The following RCAN1 variants were observed in gnomAD, a reference collection of about 807,000 sequenced individuals.
RCAN1 encodes the protein calcipressin-1.
In RCAN1, 11 loss-of-function variants were observed where a neutral mutation model predicts 22.9. That is an observed-to-expected ratio of 0.48 (90% CI 0.30 to 0.79). The LOEUF (loss-of-function observed/expected upper bound fraction) is 0.79. RCAN1 is among the 30% of genes least tolerant of loss of function. The pLI, the probability that RCAN1 is intolerant of heterozygous loss-of-function variation, is 0.06. For missense variants in RCAN1, 291 were observed against 337.8 expected (o/e 0.86, Z 1.09); for synonymous variants, 136 against 142.3 (o/e 0.96, Z 0.32).
chr21:34,532,190 C>T (rs34423922), intron 1 of RCAN1, among the ~76,000 whole-genome samples: 47,229 of 151,516 alleles, frequency 0.31, 7,637 homozygotes, highest in African/African-American at 0.38. Flanking sequence ...CATCACCTGA[C>T]GGATGGTAGA....
At chr21:34,590,696 G>A (rs1167590614) in intron 1 of RCAN1, among the ~76,000 whole-genome samples, 1 of 152,222 alleles carries the variant, frequency 6.6e-6, no homozygotes, top group Non-Finnish European at 1.5e-5. Flanking sequence ...TGGGGCCAGG[G>A]ACTGAGAAAG....
intron 1 of RCAN1, among the ~76,000 whole-genome samples, chr21:34,563,973 A>C (rs894226824): frequency 4.0e-5 from 6 of 151,408 alleles, no homozygotes; most frequent in Admixed American, 1.3e-4. Context: ...CCCAAAAAAG[A>C]AAAAAAGAAC....
intron 1 of RCAN1, among the ~76,000 whole-genome samples, chr21:34,573,215 A>G (rs993753277): frequency 6.6e-6 from 1 of 152,224 alleles, no homozygotes; most frequent in Non-Finnish European, 1.5e-5. Flanking sequence ...TTCTGGGACC[A>G]AAAGTTCCCA....
intron 1 of RCAN1, among the ~76,000 whole-genome samples, chr21:34,549,791 G>A (rs982455091): frequency 2.6e-5 from 4 of 152,074 alleles, no homozygotes; most frequent in African/African-American, 9.7e-5. Flanking sequence ...CAGTTTATTC[G>A]TTTGTCCATC....
At chr21:34,560,516 T>C (rs1246653290) in intron 1 of RCAN1, among the ~76,000 whole-genome samples, 1 of 152,230 alleles carries the variant, frequency 6.6e-6, no homozygotes, top group African/African-American at 2.4e-5. Flanking sequence ...TTTAAGATTG[T>C]TGATTTTTGT....
intron 1 of RCAN1, among the ~76,000 whole-genome samples, chr21:34,555,967 G>T (rs1986549067): frequency 6.6e-6 from 1 of 151,826 alleles, no homozygotes; most frequent in Non-Finnish European, 1.5e-5. Context: ...GGAGGCTGAG[G>T]CAGGAGAATG....
At chr21:34,546,484 T>A (rs549778828) in intron 1 of RCAN1, among the ~76,000 whole-genome samples, 1 of 152,008 alleles carries the variant, frequency 6.6e-6, no homozygotes, top group Non-Finnish European at 1.5e-5. Context: ...ACCCCAACAA[T>A]GCTGTTAACA....
At chr21:34,573,915 A>G (rs1272529656) in intron 1 of RCAN1, among the ~76,000 whole-genome samples, 1 of 152,224 alleles carries the variant, frequency 6.6e-6, no homozygotes. Flanking sequence ...GTGTCATGAA[A>G]ACATATAAAG....
At chr21:34,558,193 T>C (rs1207683354) in intron 1 of RCAN1, among the ~76,000 whole-genome samples, 1 of 152,152 alleles carries the variant, frequency 6.6e-6, no homozygotes, top group Non-Finnish European at 1.5e-5. Context: ...CCTCTCGAAC[T>C]CCGAGGGAGA....
In RCAN1 at chr21:34,559,232, T is replaced by C. The variant is rs568866416; in HGVS notation, c.253-35522A>G. The C allele has an allele frequency of 4.6e-5, 7 of 152,190 alleles. No homozygotes were observed. The South Asian group carries it at 1.5e-3, about 32-fold the overall frequency. 9.4% of individuals were successfully genotyped at this position (152,190 alleles called of 1,614,324 possible). Reference sequence around the variant, plus strand: ...ATAAAACAAAACTTGCCTGACAAATTGAGTAGTGTTGGGAAGTTTAATACA... The same window carrying C: ...ATAAAACAAAACTTGCCTGACAAATCGAGTAGTGTTGGGAAGTTTAATACA... On this transcript the variant is annotated intron_variant, in intron 1 of 3. Transcript: ENST00000313806.
chr21:34,582,953 A>G (rs971981654), intron 1 of RCAN1, among the ~76,000 whole-genome samples: 1 of 151,148 alleles, frequency 6.6e-6, no homozygotes, highest in Admixed American at 6.6e-5. Flanking sequence ...TGCCATTCTA[A>G]AGAGTGTCAG....
At chr21:34,538,000 C>T (rs1985750744) in intron 1 of RCAN1, among the ~76,000 whole-genome samples, 1 of 152,186 alleles carries the variant, frequency 6.6e-6, no homozygotes, top group Non-Finnish European at 1.5e-5. Flanking sequence ...CTTGATTCTG[C>T]TCAAACATAA....
At chr21:34,602,468 C>T (rs1226671597) in intron 1 of RCAN1, among the ~76,000 whole-genome samples, 1 of 152,210 alleles carries the variant, frequency 6.6e-6, no homozygotes, top group Non-Finnish European at 1.5e-5. Context: ...ACTTTCCAAA[C>T]ACCTGCAGGT....
intron 1 of RCAN1, among the ~76,000 whole-genome samples, chr21:34,568,512 C>A (rs937437906): frequency 6.6e-6 from 1 of 152,208 alleles, no homozygotes; most frequent in Non-Finnish European, 1.5e-5. Context: ...CCCGGAGTCA[C>A]GGTGTGTTTG....
chr21:34,583,550 T>C (rs1435841894), intron 1 of RCAN1, among the ~76,000 whole-genome samples: 1 of 152,060 alleles, frequency 6.6e-6, no homozygotes, highest in African/African-American at 2.4e-5. Context: ...AAAGGGACAC[T>C]AGGCATGTGC....
chr21:34,579,092 T>A (rs1987515184), intron 1 of RCAN1, among the ~76,000 whole-genome samples: 1 of 151,914 alleles, frequency 6.6e-6, no homozygotes, highest in Admixed American at 6.6e-5. Flanking sequence ...CTTGGAAGAG[T>A]TGTTAAAAAT....
chr21:34,609,991 T>C (rs1055380078), intron 1 of RCAN1, among the ~76,000 whole-genome samples: 1 of 152,178 alleles, frequency 6.6e-6, no homozygotes, highest in Admixed American at 6.5e-5. Context: ...TAAGGGGAAA[T>C]TTTATTCAGA....
At chr21:34,531,382 T>A (rs1482193306) in intron 1 of RCAN1, among the ~76,000 whole-genome samples, 1 of 152,186 alleles carries the variant, frequency 6.6e-6, no homozygotes, top group African/African-American at 2.4e-5. Context: ...TCTCTCTGGG[T>A]GGTCCAGGGC....
chr21:34,529,048 A>G (rs1232630452), intron 1 of RCAN1, among the ~76,000 whole-genome samples: 1 of 152,138 alleles, frequency 6.6e-6, no homozygotes, highest in Non-Finnish European at 1.5e-5. Context: ...GCCCAAAAAC[A>G]TGTAATTCTA....
Sources: allele counts gnomAD v4.1 joint callset (sites outside exome capture counted in the v4.1 genomes callset), GRCh38; gene constraint gnomAD v4.1.1; transcripts MANE v1.5; gene names NCBI Gene and HGNC (gene_info 2026-07-23, HGNC 2026-07-21).